The following ASB14 variants were observed in gnomAD, a reference collection of about 807,000 sequenced individuals.
The protein encoded by ASB14 is ankyrin repeat and SOCS box containing 14.
In ASB14, 63 loss-of-function variants were observed where a neutral mutation model predicts 55.6. That is an observed-to-expected ratio of 1.13 (90% CI 0.92 to 1.40). The LOEUF (loss-of-function observed/expected upper bound fraction) is 1.40. ASB14 is among the 40% of genes most tolerant of loss of function. The pLI, the probability that ASB14 is intolerant of heterozygous loss-of-function variation, is 0.00. For missense variants in ASB14, 724 were observed against 710.4 expected (o/e 1.02, Z -0.22); for synonymous variants, 256 against 259.9 (o/e 0.98, Z 0.15).
In ASB14 at chr3:57,280,310, G is replaced by A. The variant is rs1476489415; in HGVS notation, c.879C>T (p.Gly293=). Residue 293 remains glycine (G), a synonymous_variant, in exon 7 of 11, where the codon GGC becomes GGT. Coordinates refer to ENST00000487349, the MANE Select transcript of ASB14 (RefSeq NM_001142733.3). ...ATGTAATTGAACTTAACAGTAAGTG[G>A]CCCCTGTCAGCTGCCACATGGATGG... ...HLPIHVAADR[G]HLLALKILIP... The A allele has an allele frequency of 5.2e-6, 8 of 1,546,516 alleles. No individual in the cohort carries two copies. Among genetic ancestry groups the A allele is most frequent in the African/African-American group, 4.1e-5 (3 of 72,866 alleles).
intron 7 of ASB14, among the ~76,000 whole-genome samples, chr3:57,279,612 T>G (rs1353303031): frequency 6.6e-6 from 1 of 151,714 alleles, no homozygotes; most frequent in Admixed American, 6.6e-5. Context: ...GCAGGAGAAT[T>G]GCTTGAACCC....
At position 57,278,760 on chromosome 3, in the gene ASB14, T is replaced by A; in HGVS notation, c.1048A>T (p.Lys350Ter). 7 of 1,613,564 alleles carry A rather than the reference T, an allele frequency of 4.3e-6. No homozygotes were observed. The highest frequency in any genetic ancestry group is 5.1e-6 in the Non-Finnish European group (6 of 1,179,778). Residue 350 changes from lysine (K) to a stop codon, truncating the protein, a stop_gained, in exon 8 of 11, where the codon AAA (lysine) becomes TAA (stop). Coordinates refer to ENST00000487349, the MANE Select transcript of ASB14 (RefSeq NM_001142733.3). LOFTEE classifies it high-confidence loss of function. ...GACTTCCTGTGGTCATCGTAGTGTTTGTTAATTCTCTGATCCAGCATGAAG... is the reference window on the plus strand; with the variant it reads ...GACTTCCTGTGGTCATCGTAGTGTTAGTTAATTCTCTGATCCAGCATGAAG... ...VNFMLDQRIN[K>*]HYDDHRKSAL...
chr3:57,273,713 T>C (rs1579416624), intron 10 of ASB14, among the ~76,000 whole-genome samples: 1 of 152,306 alleles, frequency 6.6e-6, no homozygotes, highest in Admixed American at 6.5e-5. Flanking sequence ...GACGTATACT[T>C]GCTACTGTTT....
chr3:57,273,531 C>T (rs2060962002), intron 10 of ASB14: 1 of 152,218 alleles, frequency 6.6e-6, no homozygotes, highest in Non-Finnish European at 1.5e-5. Flanking sequence ...AAACAATGGA[C>T]TTCTTAAGCT....
At chr3:57,279,991 T>C (rs1365658278) in intron 7 of ASB14, among the ~76,000 whole-genome samples, 1 of 151,904 alleles carries the variant, frequency 6.6e-6, no homozygotes, top group Non-Finnish European at 1.5e-5. Flanking sequence ...ACTAAATAAA[T>C]GCCTGAAGCA....
chr3:57,281,169 A>T (rs1242115216), intron 6 of ASB14, among the ~76,000 whole-genome samples: 1 of 152,244 alleles, frequency 6.6e-6, no homozygotes, highest in Non-Finnish European at 1.5e-5. Context: ...TCTTTTGAGC[A>T]TCATGTTGAT....
chr3:57,289,940 C>G (rs972719255), intron 2 of ASB14, among the ~76,000 whole-genome samples: 1 of 152,242 alleles, frequency 6.6e-6, no homozygotes, highest in South Asian at 2.1e-4. Context: ...AGCCACCACA[C>G]CCGGCCACCT....
intron 5 of ASB14, among the ~76,000 whole-genome samples, chr3:57,286,945 A>G (rs1296718204): frequency 6.6e-6 from 1 of 152,044 alleles, no homozygotes; most frequent in Non-Finnish European, 1.5e-5. Context: ...CCTGAACTCC[A>G]TCTTCCAGCA....
At chr3:57,278,983 T>C in intron 7 of ASB14, 63 bp from the exon 8 acceptor site, 1 of 1,490,396 alleles carries the variant, frequency 6.7e-7, no homozygotes, top group South Asian at 1.2e-5. Flanking sequence ...AACTTGTTTA[T>C]TATTGTTTTA....
intron 6 of ASB14, among the ~76,000 whole-genome samples, chr3:57,282,041 C>G (rs1335523936): frequency 6.6e-6 from 1 of 152,260 alleles, no homozygotes; most frequent in South Asian, 2.1e-4. Context: ...AATCAATGAT[C>G]TATACAAAAG....
At position 57,276,864 on chromosome 3, in the gene ASB14, C is replaced by T; in HGVS notation, c.1586-136G>A. The T allele has an allele frequency of 6.6e-6, 5 of 756,840 alleles. No individual in the cohort carries two copies. In the South Asian group the frequency reaches 1.0e-4, roughly 15 times the overall value. 46.9% of individuals were successfully genotyped at this position (756,840 alleles called of 1,614,324 possible). On this transcript the variant is annotated intron_variant, in intron 9 of 10. Transcript: ENST00000487349. The stretch of plus-strand genomic sequence containing the variant: ...CAAAGTCAATAGGGAAACAGTTTTT[C>T]AGTTCTTATTGCAATCCTTGTTGTA...
intron 10 of ASB14, chr3:57,270,639 G>A (rs892378767): frequency 6.6e-6 from 1 of 152,538 alleles, no homozygotes; most frequent in African/African-American, 2.4e-5. Flanking sequence ...GTTTAGTTTA[G>A]AAAATGTAAT....
intron 10 of ASB14, chr3:57,272,814 T>A (rs1056676766): frequency 2.6e-5 from 4 of 152,172 alleles, no homozygotes; most frequent in Non-Finnish European, 5.9e-5. Context: ...TTAGCCAGGA[T>A]GTTCTCGATC....
At chr3:57,288,670 G>A (rs1053429472) in intron 3 of ASB14, among the ~76,000 whole-genome samples, 1 of 150,996 alleles carries the variant, frequency 6.6e-6, no homozygotes, top group Non-Finnish European at 1.5e-5. Flanking sequence ...CCTGAGCTTC[G>A]AGGGGAAATG....
In ASB14 at chr3:57,278,378, T is replaced by G. The variant is rs2061007700; in HGVS notation, c.1430A>C (p.Lys477Thr). The G allele has an allele frequency of 1.9e-6, 3 of 1,611,492 alleles. No homozygotes were observed. Among genetic ancestry groups the G allele is most frequent in the African/African-American group, 2.7e-5 (2 of 75,000 alleles). ...ATACAGCCAATACTGTGGACTTACCTTAGTATCTTTGATAACTGTAGATGT... is the reference window on the plus strand; with the variant it reads ...ATACAGCCAATACTGTGGACTTACCGTAGTATCTTTGATAACTGTAGATGT... ...GWTSTVIKDT[K>T]FCEVITLSWL... Residue 477 changes from lysine (K) to threonine (T), a missense_variant and splice_region_variant, in exon 8 of 11, where the codon AAG (lysine) becomes ACG (threonine). Physicochemically the swap from Lys to Thr is moderately conservative, Grantham distance 78. Coordinates refer to ENST00000487349, the MANE Select transcript of ASB14 (RefSeq NM_001142733.3).
rs1046824861 is a variant in ASB14 at position 57,281,147 on chromosome 3, C to T, written c.716-674G>A. ...CCAGAAATCCGAAATCTGAAATGCTCCAGTAGGAATTTCTTTTGAGCATCA... is the reference window on the plus strand; with the variant it reads ...CCAGAAATCCGAAATCTGAAATGCTTCAGTAGGAATTTCTTTTGAGCATCA... On this transcript the variant is annotated intron_variant, in intron 6 of 10. Transcript: ENST00000487349. Among the ~76,000 whole-genome samples the T allele has an allele frequency of 2.0e-5, 3 of 152,182 alleles. No homozygotes were observed. The East Asian group carries it at 5.8e-4, about 29-fold the overall frequency.
intron 2 of ASB14, 49 bp from the exon 3 acceptor site, chr3:57,289,172 C>A (rs1318450995): frequency 4.0e-6 from 5 of 1,253,222 alleles, no homozygotes; most frequent in Non-Finnish European, 5.6e-6. Context: ...GGAGAAAAAA[C>A]TGTTATCTGA....
Position 57,283,435 on chromosome 3 carries a change from C to T in ASB14, c.474G>A (p.Val158=). The change falls in exon 6 of 11, where the codon GTG becomes GTA. Residue 158 remains valine, a synonymous_variant. Transcript: ENST00000487349. The part of the protein sequence containing the change: ...FEGNSPLLAA[V]LRDCYDMAAL... ...CAGCCATGTCATAGCAGTCACGCAG[C>T]ACAGCTGGGAAATGAGAAGTGTGGT... is the stretch of plus-strand genomic sequence containing the variant. The T allele has an allele frequency of 6.4e-7, 1 of 1,551,100 alleles. No individual in the cohort carries two copies.
chr3:57,275,695 A>G (rs1394225551), intron 10 of ASB14, among the ~76,000 whole-genome samples: 1 of 152,038 alleles, frequency 6.6e-6, no homozygotes, highest in Non-Finnish European at 1.5e-5. Context: ...TTTTTAGGTG[A>G]TTTTGTCATT....
Sources: allele counts gnomAD v4.1 joint callset (sites outside exome capture counted in the v4.1 genomes callset), GRCh38; gene constraint gnomAD v4.1.1; transcripts MANE v1.5; gene names NCBI Gene and HGNC (gene_info 2026-07-23, HGNC 2026-07-21).